MEF2A: variants seen among roughly 807,000 people sequenced by gnomAD.
MEF2A encodes myocyte enhancer factor 2A, also known as myocyte-specific enhancer factor 2A.
A neutral mutation model predicts 55.8 loss-of-function variants in MEF2A; 28 were observed. The observed-to-expected ratio is 0.50, with a 90% CI of 0.37 to 0.69. The LOEUF is 0.69. MEF2A is among the 30% of genes least tolerant of loss of function. MEF2A has a pLI of 0.00. For missense variants in MEF2A, 528 were observed against 626.2 expected (o/e 0.84, Z 1.67); for synonymous variants, 239 against 227.1 (o/e 1.05, Z -0.47).
chr15:99,580,712 C>T (rs956195805), intron 1 of MEF2A, among the ~76,000 whole-genome samples: 1 of 152,142 alleles, frequency 6.6e-6, no homozygotes, highest in African/African-American at 2.4e-5. Context: ...CTGTATTTGA[C>T]CAAGGGCCTC....
At chr15:99,573,082 A>C (rs1962996958) in intron 1 of MEF2A, among the ~76,000 whole-genome samples, 1 of 152,076 alleles carries the variant, frequency 6.6e-6, no homozygotes, top group Non-Finnish European at 1.5e-5. Flanking sequence ...AGGTCAGGAG[A>C]TCGAGACCAT....
chr15:99,699,174 A>T (rs2056985631), intron 8 of MEF2A, among the ~76,000 whole-genome samples: 1 of 152,252 alleles, frequency 6.6e-6, no homozygotes, highest in Non-Finnish European at 1.5e-5. Flanking sequence ...CATAATTGTG[A>T]AACACTGAAA....
At chr15:99,711,912 C>T (rs552972789) in intron 11 of MEF2A, among the ~76,000 whole-genome samples, 2 of 152,234 alleles carry the variant, frequency 1.3e-5, no homozygotes, top group Non-Finnish European at 2.9e-5. Flanking sequence ...CTCTACTGCT[C>T]TCAGCCAGCC....
At chr15:99,654,400 GT>G (rs909027487) in intron 4 of MEF2A, among the ~76,000 whole-genome samples, 6 of 151,946 alleles carry the variant, frequency 3.9e-5, no homozygotes, top group African/African-American at 1.2e-4. Context: ...ATCTTATTAA[GT>G]TTTGATGATC....
At chr15:99,700,182 A>G (rs1391275259) in intron 8 of MEF2A, among the ~76,000 whole-genome samples, 1 of 46,082 alleles carries the variant, frequency 2.2e-5, no homozygotes, top group Non-Finnish European at 5.3e-5. Flanking sequence ...ATATGTGTGT[A>G]TATATACACA....
chr15:99,663,408 T>C (rs906361600), intron 4 of MEF2A, among the ~76,000 whole-genome samples: 2 of 152,086 alleles, frequency 1.3e-5, no homozygotes, highest in Non-Finnish European at 2.9e-5. Context: ...TACCAAGAAC[T>C]GAAAACACTT....
chr15:99,619,812 A>C (rs1037262954), intron 2 of MEF2A, among the ~76,000 whole-genome samples: 3 of 152,208 alleles, frequency 2.0e-5, no homozygotes, highest in Admixed American at 1.3e-4. Context: ...TTACTTAGAA[A>C]TTGTCAGGTG....
At chr15:99,647,960 A>G (rs1453146245) in intron 4 of MEF2A, among the ~76,000 whole-genome samples, 1 of 152,164 alleles carries the variant, frequency 6.6e-6, no homozygotes, top group Non-Finnish European at 1.5e-5. Flanking sequence ...TTTTTCACAT[A>G]TGAAGATGAT....
chr15:99,663,192 T>A (rs907479701), intron 4 of MEF2A, among the ~76,000 whole-genome samples: 1 of 152,144 alleles, frequency 6.6e-6, no homozygotes, highest in Admixed American at 6.5e-5. Context: ...ATGTCAAGAT[T>A]CCAGAAAATG....
At chr15:99,689,773 A>G (rs1940905453) in intron 7 of MEF2A, among the ~76,000 whole-genome samples, 1 of 152,136 alleles carries the variant, frequency 6.6e-6, no homozygotes, top group Admixed American at 6.5e-5. Context: ...GAGCCACTGC[A>G]CCTGGCCAGA....
At chr15:99,603,089 A>G (rs1362108769) in intron 2 of MEF2A, among the ~76,000 whole-genome samples, 1 of 152,130 alleles carries the variant, frequency 6.6e-6, no homozygotes, top group Non-Finnish European at 1.5e-5. Flanking sequence ...TTTTTCTAAA[A>G]GAGTATTTAA....
chr15:99,583,842 C>T (rs1021527109), intron 1 of MEF2A, among the ~76,000 whole-genome samples: 1 of 152,080 alleles, frequency 6.6e-6, no homozygotes, highest in Admixed American at 6.6e-5. Flanking sequence ...TAGGTACAGT[C>T]ATGAGTCACT....
intron 1 of MEF2A, among the ~76,000 whole-genome samples, chr15:99,577,018 A>G (rs1964504929): frequency 6.6e-6 from 1 of 152,260 alleles, no homozygotes; most frequent in South Asian, 2.1e-4. Flanking sequence ...ATTAATGAAC[A>G]TCAAAATGCC....
At chr15:99,685,720 T>C (rs540546434) in intron 7 of MEF2A, among the ~76,000 whole-genome samples, 1 of 152,212 alleles carries the variant, frequency 6.6e-6, no homozygotes, top group East Asian at 1.9e-4. Flanking sequence ...TCACCTGTTA[T>C]TTTGTTGAGG....
chr15:99,661,103 T>A (rs1201074878), intron 4 of MEF2A, among the ~76,000 whole-genome samples: 17 of 152,186 alleles, frequency 1.1e-4, no homozygotes, highest in Non-Finnish European at 1.8e-4. Flanking sequence ...ATTTAGATAC[T>A]TAATATATGA....
At chr15:99,666,475 C>T (rs555661319) in intron 4 of MEF2A, among the ~76,000 whole-genome samples, 6 of 151,730 alleles carry the variant, frequency 4.0e-5, no homozygotes, top group Admixed American at 6.6e-5. Flanking sequence ...GGTAGAAGTA[C>T]GTAATGTAGA....
At position 99,612,252 on chromosome 15, in the gene MEF2A, A is replaced by G. The variant is rs1195630301; in HGVS notation, c.-143+13741A>G. 2.6e-5 allele frequency among the ~76,000 whole-genome samples: 4 copies of G among 152,008 alleles called. No individual in the cohort carries two copies. The East Asian group carries it at 5.8e-4, about 22-fold the overall frequency. On this transcript the variant is annotated intron_variant, in intron 2 of 11. Coordinates refer to ENST00000557942, the MANE Select transcript of MEF2A (RefSeq NM_001319206.4). ...AACAGGGTGAAACCCTGTTTCTACTAAAAACTACAAAAAAATTAGCTGGGC... is the reference window on the plus strand; with the variant it reads ...AACAGGGTGAAACCCTGTTTCTACTGAAAACTACAAAAAAATTAGCTGGGC...
intron 1 of MEF2A, among the ~76,000 whole-genome samples, chr15:99,588,201 C>T (rs1185718665): frequency 3.9e-5 from 6 of 152,108 alleles, no homozygotes; most frequent in Non-Finnish European, 8.8e-5. Flanking sequence ...ACTGCAGCCT[C>T]GACTGCCTGG....
intron 8 of MEF2A, among the ~76,000 whole-genome samples, chr15:99,702,594 A>T (rs549657511): frequency 1.7e-4 from 26 of 152,052 alleles, no homozygotes; most frequent in Non-Finnish European, 3.4e-4. Context: ...CACCTGGCTA[A>T]TTTTTGTAGT....
Sources: allele counts gnomAD v4.1 joint callset (sites outside exome capture counted in the v4.1 genomes callset), GRCh38; gene constraint gnomAD v4.1.1; transcripts MANE v1.5; gene names NCBI Gene and HGNC (gene_info 2026-07-23, HGNC 2026-07-21).